ERP44: variants seen among roughly 807,000 people sequenced by gnomAD.
ERP44 encodes the protein endoplasmic reticulum protein 44.
ERP44 carries 25 observed loss-of-function variants against 53.4 expected under a neutral mutation model. The ratio of observed to expected loss-of-function variants is 0.47; its 90% CI spans 0.34 to 0.65. The LOEUF is 0.65. ERP44 is among the 30% of genes least tolerant of loss of function. The probability of loss-of-function intolerance (pLI) is 0.01; values close to 1 mark genes in which losing one functional copy is unlikely to be tolerated. For synonymous variants in ERP44, 145 were observed against 161.2 expected (o/e 0.90, Z 0.76); for missense variants, 338 against 493.2 (o/e 0.69, Z 2.98).
Position 100,020,748 on chromosome 9 carries a change from G to A in ERP44, c.472-17C>T. 3.7e-6 allele frequency: 5 copies of A among 1,337,568 alleles called. No individual in the cohort carries two copies. Among genetic ancestry groups the A allele is most frequent in the Non-Finnish European group, 5.4e-6 (5 of 933,294 alleles). The allele number at this position is 1,337,568 out of a possible 1,614,324, so 82.9% of individuals were successfully genotyped here. A position where few individuals can be genotyped will look rare whatever the true frequency, so the allele number is the denominator to read the frequency against. On this transcript the variant is annotated splice_polypyrimidine_tract_variant and intron_variant, in intron 5 of 11. Transcript: ENST00000262455. Reference sequence around the variant, plus strand: ...TTTGCTGCGCTGTAAAATAAAGTATGCAATTATTTTGCAAACATACATAGT... The same window carrying A: ...TTTGCTGCGCTGTAAAATAAAGTATACAATTATTTTGCAAACATACATAGT...
In ERP44 at chr9:100,009,331, C is replaced by G. The variant is rs531085452; in HGVS notation, c.763-1642G>C. 3.3e-5 allele frequency among the ~76,000 whole-genome samples: 5 copies of G among 152,190 alleles called. No individual in the cohort carries two copies. The East Asian group carries it at 5.8e-4, about 18-fold the overall frequency. On this transcript the variant is annotated intron_variant, in intron 8 of 11. Coordinates refer to ENST00000262455, the MANE Select transcript of ERP44 (RefSeq NM_015051.3). ...GTTTCACCATGTTGGCCAGGATGGT[C>G]TCAATCTCCTGACCTCATGATCCAT...
intron 8 of ERP44, among the ~76,000 whole-genome samples, chr9:100,011,440 C>G (rs1161185516): frequency 6.6e-6 from 1 of 152,146 alleles, no homozygotes; most frequent in East Asian, 1.9e-4. Flanking sequence ...GAGTGCAGTG[C>G]ACATAGAAGG....
chr9:100,017,667 AT>A (rs1055604279), intron 7 of ERP44, among the ~76,000 whole-genome samples: 1 of 151,950 alleles, frequency 6.6e-6, no homozygotes, highest in South Asian at 2.1e-4. Flanking sequence ...ATAAATTTCA[AT>A]TTTTTTTGGT....
chr9:100,059,187 C>CT (rs1234147616), intron 2 of ERP44, among the ~76,000 whole-genome samples: 1 of 152,184 alleles, frequency 6.6e-6, no homozygotes, highest in Non-Finnish European at 1.5e-5. Flanking sequence ...GTTGTAACTC[C>CT]TTTTGCCTCT....
At chr9:100,082,061 A>G (rs564481554) in intron 1 of ERP44, among the ~76,000 whole-genome samples, 29 of 152,234 alleles carry the variant, frequency 1.9e-4, no homozygotes, top group African/African-American at 6.7e-4. Context: ...GTAATGCAAC[A>G]AAAAAGGAAC....
chr9:99,986,320 T>A (rs1243214462), intron 10 of ERP44, among the ~76,000 whole-genome samples: 1 of 152,242 alleles, frequency 6.6e-6, no homozygotes, highest in South Asian at 2.1e-4. Context: ...ACCTGCATTT[T>A]AATTTACATT....
chr9:100,037,290 A>C (rs945777872), intron 4 of ERP44, among the ~76,000 whole-genome samples: 1 of 152,130 alleles, frequency 6.6e-6, no homozygotes, highest in Non-Finnish European at 1.5e-5. Context: ...GAGTATTTAA[A>C]CTAGCCCAAG....
chr9:100,012,417 G>A (rs1830484451), intron 8 of ERP44, among the ~76,000 whole-genome samples: 1 of 152,112 alleles, frequency 6.6e-6, no homozygotes, highest in Non-Finnish European at 1.5e-5. Flanking sequence ...GGATGTCCCA[G>A]TGGGGTATTC....
chr9:99,984,847 T>G (rs1830180173), intron 11 of ERP44, 120 bp downstream of exon 11: 2 of 596,446 alleles, frequency 3.4e-6, no homozygotes, highest in Non-Finnish European at 5.9e-6. Context: ...ACTCAGAATT[T>G]CTCTACACAA....
At chr9:100,022,270 G>A in intron 4 of ERP44, 44 bp from the exon 5 acceptor site, 1 of 1,490,674 alleles carries the variant, frequency 6.7e-7, no homozygotes. Flanking sequence ...ATGTAGTCAG[G>A]GCAAGCCTGT....
intron 4 of ERP44, among the ~76,000 whole-genome samples, chr9:100,042,544 G>A (rs939623026): frequency 4.6e-5 from 7 of 152,066 alleles, no homozygotes; most frequent in African/African-American, 1.7e-4. Flanking sequence ...ATGATCCCAT[G>A]ATCCCAATGC....
At chr9:100,016,551 G>C (rs1830527787) in intron 7 of ERP44, 113 bp from the exon 8 acceptor site, 1 of 1,375,002 alleles carries the variant, frequency 7.3e-7, no homozygotes, top group Non-Finnish European at 9.5e-7. Flanking sequence ...ACCCAGGCTG[G>C]AGTACAGTGA....
chr9:100,012,750 A>G (rs1409684525), intron 8 of ERP44, among the ~76,000 whole-genome samples: 2 of 152,208 alleles, frequency 1.3e-5, no homozygotes, highest in African/African-American at 2.4e-5. Context: ...TGCTGTTGGC[A>G]TAGACTTCTG....
At chr9:99,988,871 G>A (rs1587953941) in intron 10 of ERP44, among the ~76,000 whole-genome samples, 1 of 152,230 alleles carries the variant, frequency 6.6e-6, no homozygotes, top group Admixed American at 6.5e-5. Flanking sequence ...GGCACACCAG[G>A]AGATTATATC....
intron 4 of ERP44, among the ~76,000 whole-genome samples, chr9:100,028,404 GAATTCCCCA>G (rs1830676453): frequency 6.6e-6 from 1 of 152,194 alleles, no homozygotes; most frequent in African/African-American, 2.4e-5. Flanking sequence ...TTACGCTCCT[GAATTCCCCA>G]AATGATAAGA....
intron 1 of ERP44, among the ~76,000 whole-genome samples, chr9:100,065,381 A>G (rs970764841): frequency 6.6e-6 from 1 of 152,142 alleles, no homozygotes; most frequent in African/African-American, 2.4e-5. Flanking sequence ...CACAATGACA[A>G]AATTGCCTAA....
chr9:100,022,517 T>C (rs1002076000), intron 4 of ERP44, among the ~76,000 whole-genome samples: 2 of 152,304 alleles, frequency 1.3e-5, no homozygotes, highest in East Asian at 1.9e-4. Context: ...GATAATCATT[T>C]CTACCACATA....
At chr9:100,001,123 T>A (rs1356746325) in intron 10 of ERP44, among the ~76,000 whole-genome samples, 1 of 152,172 alleles carries the variant, frequency 6.6e-6, no homozygotes, top group Non-Finnish European at 1.5e-5. Flanking sequence ...TTCAGTAACA[T>A]GTTTGATTTC....
chr9:100,060,172 C>A lies in ERP44; in HGVS notation c.58G>T (p.Val20Leu). 1 of 1,493,256 alleles carries A rather than the reference C, an allele frequency of 6.7e-7. No homozygotes were observed. The highest frequency in any genetic ancestry group is 8.9e-7 in the Non-Finnish European group (1 of 1,123,572). The allele number at this position is 1,493,256 out of a possible 1,614,324, so 92.5% of individuals were successfully genotyped here. ...PDLRCSLLLL[V>L]TWVFTPVTTE... ...GTTACAGGAGTAAAAACCCAAGTTA[C>A]CTGAAAATTTAAAAAATGAGAAATT... is the stretch of plus-strand genomic sequence containing the variant. Residue 20 changes from valine (V) to leucine (L), a missense_variant and splice_region_variant, in exon 2 of 12, where the codon GTA (valine) becomes TTA (leucine). Val to Leu is a conservative substitution (Grantham distance 32). Coordinates refer to ENST00000262455, the MANE Select transcript of ERP44 (RefSeq NM_015051.3).
Sources: gnomAD v4.1 joint callset for allele counts (sites outside exome capture counted in the v4.1 genomes callset) on GRCh38, gnomAD v4.1.1 for gene constraint, MANE v1.5 for transcripts, NCBI Gene and HGNC (gene_info 2026-07-23, HGNC 2026-07-21) for gene names.